Variants in CSMD1 observed in about 807,000 individuals in gnomAD.
CSMD1 encodes the protein CUB and sushi domain-containing protein 1.
In CSMD1, 213 loss-of-function variants were observed where a neutral mutation model predicts 417.5. The observed-to-expected ratio is 0.51, with a 90% confidence interval of 0.46 to 0.57. The LOEUF is 0.57. CSMD1 is among the 20% of genes least tolerant of loss of function. The pLI is 0.00. For missense variants in CSMD1, 6,923 were observed against 4,529.7 expected (o/e 1.53, Z -15.17); for synonymous variants, 2,862 against 1,736.8 (o/e 1.65, Z -16.11).
intron 5 of CSMD1, among the ~76,000 whole-genome samples, chr8:3,925,227 C>T (rs1365555692): frequency 6.6e-6 from 1 of 152,178 alleles, no homozygotes; most frequent in African/African-American, 2.4e-5. Flanking sequence ...GGCTATTTTG[C>T]TTTACAGCGA....
chr8:4,502,390 A>G (rs1259795484), intron 2 of CSMD1, among the ~76,000 whole-genome samples: 1 of 152,176 alleles, frequency 6.6e-6, no homozygotes, highest in Non-Finnish European at 1.5e-5. Flanking sequence ...TAATTGCTCA[A>G]AACAAAAAAG....
chr8:3,580,067 G>A (rs1307781819), intron 9 of CSMD1, among the ~76,000 whole-genome samples: 1 of 152,030 alleles, frequency 6.6e-6, no homozygotes, highest in Admixed American at 6.6e-5. Flanking sequence ...TAGCACCACT[G>A]TACTACAGCC....
chr8:4,448,912 C>A (rs1036580100), intron 2 of CSMD1, among the ~76,000 whole-genome samples: 1 of 152,136 alleles, frequency 6.6e-6, no homozygotes, highest in Non-Finnish European at 1.5e-5. Flanking sequence ...CATATTTCAT[C>A]TATTAAGTTC....
chr8:4,311,883 C>T (rs13262538), intron 3 of CSMD1, among the ~76,000 whole-genome samples: 13,585 of 151,960 alleles, frequency 0.089, 698 homozygotes, highest in East Asian at 0.22. Context: ...CCTGGGTGAT[C>T]AAATAATACA....
intron 3 of CSMD1, among the ~76,000 whole-genome samples, chr8:4,317,544 G>C (rs917124622): frequency 2.0e-4 from 31 of 152,106 alleles, no homozygotes; most frequent in Non-Finnish European, 2.9e-5. Context: ...TCATTTTCCA[G>C]AGATAGATTT....
Position 4,850,382 on chromosome 8 carries a change from C to CTTTTTT in CSMD1, c.85+143944_85+143949dup. On this transcript the variant is annotated intron_variant, in intron 1 of 69. Transcript: ENST00000635120. Reference sequence around the variant, plus strand: ...TTTATTTTGATGAAATCCAATTTATCTTTTTTTTTTTTTTTTTTTTTTTGC... The same window carrying CTTTTTT: ...TTTATTTTGATGAAATCCAATTTATCTTTTTTTTTTTTTTTTTTTTTTTTTTTTTGC... Among the ~76,000 whole-genome samples, 524 of 77,678 alleles carry CTTTTTT rather than the reference C, an allele frequency of 6.7e-3. 9 individuals are homozygous for CTTTTTT. Among genetic ancestry groups the CTTTTTT allele is most frequent in the African/African-American group, 0.016 (301 of 19,156 alleles). 51.0% of individuals were successfully genotyped at this position (77,678 alleles called of 152,430 possible). A position where few individuals can be genotyped will look rare whatever the true frequency, so the allele number is the denominator to read the frequency against.
chr8:3,538,504 TCACCTGAGATGCCC>T (rs1490791323), intron 10 of CSMD1, among the ~76,000 whole-genome samples: 3 of 152,100 alleles, frequency 2.0e-5, no homozygotes, highest in Non-Finnish European at 4.4e-5. Context: ...CTGCGATGCC[TCACCTGAGATGCCC>T]CACCTGCGAT....
At chr8:4,766,897 G>A (rs540873026) in intron 1 of CSMD1, among the ~76,000 whole-genome samples, 102 of 152,084 alleles carry the variant, frequency 6.7e-4, no homozygotes, top group African/African-American at 1.4e-3. Flanking sequence ...GATATTTTCC[G>A]CAGGGCTTGA....
In CSMD1 at chr8:3,750,202, G is replaced by A. The variant is rs887686994; in HGVS notation, c.931+3728C>T. 2.0e-5 allele frequency among the ~76,000 whole-genome samples: 3 copies of A among 152,082 alleles called. No individual in the cohort carries two copies. In the South Asian group the frequency reaches 6.2e-4, roughly 32 times the overall value. On this transcript the variant is annotated intron_variant, in intron 6 of 69. Coordinates refer to ENST00000635120, the MANE Select transcript of CSMD1 (RefSeq NM_033225.6). ...TCCAAGTAACACTGACGGAATTTTT[G>A]TTCTCTTACAAATGACCATAAATGA...
intron 50 of CSMD1, among the ~76,000 whole-genome samples, chr8:3,048,050 A>G (rs1057098184): frequency 2.6e-5 from 4 of 152,244 alleles, no homozygotes; most frequent in Non-Finnish European, 5.9e-5. Context: ...AGGGTAACAC[A>G]TCATTGCTTA....
chr8:4,052,780 C>T (rs1365585958), intron 3 of CSMD1, among the ~76,000 whole-genome samples: 1 of 152,146 alleles, frequency 6.6e-6, no homozygotes, highest in Non-Finnish European at 1.5e-5. Flanking sequence ...TCTGAGGACA[C>T]ATCCTGGAAC....
intron 1 of CSMD1, among the ~76,000 whole-genome samples, chr8:4,963,418 T>C (rs1444897013): frequency 6.6e-6 from 1 of 152,112 alleles, no homozygotes; most frequent in Admixed American, 6.6e-5. Flanking sequence ...CAGCTTGGTC[T>C]CGAACTCCTG....
At chr8:3,838,455 A>G in intron 5 of CSMD1, among the ~76,000 whole-genome samples, 1 of 148,492 alleles carries the variant, frequency 6.7e-6, no homozygotes, top group South Asian at 2.1e-4. Flanking sequence ...GACTATACAT[A>G]TATAGGCTAT....
intron 2 of CSMD1, among the ~76,000 whole-genome samples, chr8:4,480,327 C>G (rs1014497324): frequency 2.0e-5 from 3 of 152,108 alleles, no homozygotes; most frequent in African/African-American, 7.2e-5. Flanking sequence ...TTTCTGCAGC[C>G]TTTGAGAAAC....
chr8:4,534,238 G>T (rs1230726944), intron 2 of CSMD1, among the ~76,000 whole-genome samples: 1 of 152,134 alleles, frequency 6.6e-6, no homozygotes, highest in Non-Finnish European at 1.5e-5. Flanking sequence ...CCTTCTGCGT[G>T]GGCCTGGCCC....
At chr8:4,876,390 C>A (rs1585249189) in intron 1 of CSMD1, among the ~76,000 whole-genome samples, 1 of 152,050 alleles carries the variant, frequency 6.6e-6, no homozygotes, top group Non-Finnish European at 1.5e-5. Context: ...AAATACAGAG[C>A]AAACCGTTAA....
intron 8 of CSMD1, among the ~76,000 whole-genome samples, chr8:3,604,297 T>C (rs1801499978): frequency 6.6e-6 from 1 of 151,340 alleles, no homozygotes; most frequent in Non-Finnish European, 1.5e-5. Context: ...GGAGGGAGGC[T>C]GCGGGGGGGG....
chr8:3,833,554 A>G (rs1802492799), intron 5 of CSMD1, among the ~76,000 whole-genome samples: 1 of 152,192 alleles, frequency 6.6e-6, no homozygotes, highest in African/African-American at 2.4e-5. Flanking sequence ...TTTGTGTCCT[A>G]AGTGGTAATC....
At chr8:4,472,483 C>T (rs1203028249) in intron 2 of CSMD1, among the ~76,000 whole-genome samples, 1 of 151,600 alleles carries the variant, frequency 6.6e-6, no homozygotes, top group Non-Finnish European at 1.5e-5. Flanking sequence ...GAGAGGGACC[C>T]GGGGAACCTT....
Sources: gnomAD v4.1 joint callset for allele counts (sites outside exome capture counted in the v4.1 genomes callset) on GRCh38, gnomAD v4.1.1 for gene constraint, MANE v1.5 for transcripts, NCBI Gene and HGNC (gene_info 2026-07-23, HGNC 2026-07-21) for gene names.